The following EXTL3 variants were observed in gnomAD, a reference collection of about 807,000 sequenced individuals.
EXTL3 encodes the protein exostosin like glycosyltransferase 3, also known as exostosin-like 3.
In EXTL3, 27 loss-of-function variants were observed where a neutral mutation model predicts 69.3. The ratio of observed to expected loss-of-function variants is 0.39; its 90% CI spans 0.29 to 0.54. The LOEUF is 0.54. EXTL3 is among the 20% of genes least tolerant of loss of function. The probability of loss-of-function intolerance (pLI) is 0.69; values close to 1 mark genes in which losing one functional copy is unlikely to be tolerated. For synonymous variants in EXTL3, 511 were observed against 499.4 expected (o/e 1.02, Z -0.31); for missense variants, 1,003 against 1,231.8 (o/e 0.81, Z 2.78).
intron 6 of EXTL3, among the ~76,000 whole-genome samples, chr8:28,748,750 T>C (rs1360754061): frequency 6.6e-6 from 1 of 152,070 alleles, no homozygotes; most frequent in African/African-American, 2.4e-5. Context: ...GTTGGGGAAG[T>C]GTAGGTTGAG....
chr8:28,616,476 A>T (rs903885533), intron 2 of EXTL3, among the ~76,000 whole-genome samples: 1 of 152,136 alleles, frequency 6.6e-6, no homozygotes, highest in Non-Finnish European at 1.5e-5. Context: ...AAGTATAAAA[A>T]ATTAGCAGGG....
At chr8:28,645,970 C>G (rs78458981) in intron 1 of EXTL3, among the ~76,000 whole-genome samples, 32 of 152,162 alleles carry the variant, frequency 2.1e-4, no homozygotes, top group African/African-American at 7.0e-4. Context: ...TCCGGAGATC[C>G]TCCCACCTCA....
At chr8:28,725,160 C>T (rs544989977) in intron 3 of EXTL3, among the ~76,000 whole-genome samples, 1 of 152,068 alleles carries the variant, frequency 6.6e-6, no homozygotes, top group Non-Finnish European at 1.5e-5. Flanking sequence ...GATTGTCGGG[C>T]TTGGCTGGGC....
intron 1 of EXTL3, among the ~76,000 whole-genome samples, chr8:28,673,995 C>T (rs1347700255): frequency 6.6e-6 from 1 of 152,180 alleles, no homozygotes. Flanking sequence ...TGTAGAGATA[C>T]ACAGAATACT....
intron 1 of EXTL3, among the ~76,000 whole-genome samples, chr8:28,680,284 C>G (rs545035148): frequency 2.7e-5 from 4 of 150,204 alleles, no homozygotes; most frequent in African/African-American, 7.3e-5. Flanking sequence ...CCAGCTACTC[C>G]GAGGCTGAGG....
chr8:28,626,271 G>A (rs1806490147), intron 1 of EXTL3, among the ~76,000 whole-genome samples: 1 of 152,018 alleles, frequency 6.6e-6, no homozygotes, highest in Admixed American at 6.6e-5. Flanking sequence ...TAAAGAAAGA[G>A]GACGGGGTCA....
Position 28,650,783 on chromosome 8 carries a change from T to A in EXTL3, c.-53+27973T>A, listed in dbSNP as rs537423304. 6.6e-5 allele frequency among the ~76,000 whole-genome samples: 10 copies of A among 152,354 alleles called. No homozygotes were observed. The South Asian group carries it at 2.1e-3, about 32-fold the overall frequency. On this transcript the variant is annotated intron_variant, in intron 1 of 6. Coordinates refer to the EXTL3 transcript ENST00000523149. ...CCTTTAGTTGATTGATCTAGTTATC[T>A]ATTCTGGGCTAATATTATACAGTCT...
At chr8:28,710,264 T>C (rs1293654035) in intron 1 of EXTL3, 4 of 325,244 alleles carry the variant, frequency 1.2e-5, no homozygotes, top group African/African-American at 8.7e-5. Flanking sequence ...AAAAGTAAAT[T>C]TGAGAGTCAG....
chr8:28,755,977 A>G (rs951860680), downstream of EXTL3, among the ~76,000 whole-genome samples: 6 of 152,140 alleles, frequency 3.9e-5, no homozygotes, highest in Non-Finnish European at 7.4e-5. Context: ...TCATCCTTTC[A>G]TGGTGCACTG....
At chr8:28,614,379 TTC>T (rs1455052278) in intron 2 of EXTL3, among the ~76,000 whole-genome samples, 1 of 144,948 alleles carries the variant, frequency 6.9e-6, no homozygotes, top group Non-Finnish European at 1.5e-5. Flanking sequence ...GTTCAAACAA[TTC>T]TCTTTCTTCA....
rs777516224 is a variant in EXTL3 at position 28,718,129 on chromosome 8, C to T, written c.2070C>T (p.Asn690=). Residue 690 remains asparagine, a synonymous_variant, in exon 3 of 7, where the codon AAC becomes AAT. Transcript: ENST00000220562. ...GGCTGAATGGCCTCCCTTACCTGAA[C>T]AAGGTCGTGGTGGTGTGGAATTCTC... is the stretch of plus-strand genomic sequence containing the variant. ...LERLNGLPYL[N]KVVVVWNSPK... is the part of the protein sequence containing the mutation. 3 of 1,614,154 alleles carry T rather than the reference C, an allele frequency of 1.9e-6. No homozygotes were observed. Among genetic ancestry groups the T allele is most frequent in the Non-Finnish European group, 2.5e-6 (3 of 1,180,018 alleles).
intron 1 of EXTL3, among the ~76,000 whole-genome samples, chr8:28,677,510 C>T (rs528836962): frequency 1.3e-5 from 2 of 152,068 alleles, no homozygotes; most frequent in African/African-American, 4.8e-5. Flanking sequence ...AGGAAAATTT[C>T]AAAAAACGTA....
intron 2 of EXTL3, among the ~76,000 whole-genome samples, chr8:28,615,655 C>A (rs1326169430): frequency 6.6e-6 from 1 of 152,136 alleles, no homozygotes; most frequent in Non-Finnish European, 1.5e-5. Context: ...GCAACCTCCA[C>A]CTCCTGGGTT....
At chr8:28,687,531 G>A (rs1324258276) in intron 1 of EXTL3, among the ~76,000 whole-genome samples, 1 of 152,146 alleles carries the variant, frequency 6.6e-6, no homozygotes, top group Non-Finnish European at 1.5e-5. Context: ...AGAAAATAAT[G>A]ATTTAGTTAA....
chr8:28,668,520 A>G (rs1163162119), intron 1 of EXTL3, among the ~76,000 whole-genome samples: 3 of 151,836 alleles, frequency 2.0e-5, no homozygotes, highest in Admixed American at 6.6e-5. Flanking sequence ...TATTTTTAGT[A>G]GAGACGGGGT....
At chr8:28,648,526 T>C (rs1806869472) in intron 1 of EXTL3, among the ~76,000 whole-genome samples, 1 of 152,206 alleles carries the variant, frequency 6.6e-6, no homozygotes, top group Non-Finnish European at 1.5e-5. Flanking sequence ...CTTTGACACA[T>C]CATAACATTC....
upstream of EXTL3, among the ~76,000 whole-genome samples, chr8:28,698,799 G>A (rs1800725168): frequency 6.6e-6 from 1 of 152,198 alleles, no homozygotes; most frequent in Admixed American, 6.5e-5. Context: ...TTTGAGACCA[G>A]CCTGGCCAAC....
intron 2 of EXTL3, among the ~76,000 whole-genome samples, chr8:28,609,902 A>T (rs1363068996): frequency 1.9e-4 from 13 of 66,750 alleles, no homozygotes; most frequent in African/African-American, 1.8e-3. Context: ...AAAAATAATT[A>T]AAAAAAAAAA....
At chr8:28,742,554 A>C (rs926437974) in intron 5 of EXTL3, 4 of 186,836 alleles carry the variant, frequency 2.1e-5, no homozygotes, top group Non-Finnish European at 3.4e-5. Context: ...TTAGGAGCTG[A>C]TGTGGAGAAT....
Sources: gnomAD v4.1 joint callset for allele counts (sites outside exome capture counted in the v4.1 genomes callset) on GRCh38, gnomAD v4.1.1 for gene constraint, MANE v1.5 for transcripts, NCBI Gene and HGNC (gene_info 2026-07-23, HGNC 2026-07-21) for gene names.